The following HYDIN variants were observed in gnomAD, a reference collection of about 807,000 sequenced individuals.
The protein encoded by HYDIN is axonemal central pair apparatus protein HYDIN.
HYDIN carries 132 observed loss-of-function variants against 403.9 expected under a neutral mutation model. That is an observed-to-expected ratio of 0.33 (90% confidence interval 0.28 to 0.38). The LOEUF is 0.38. HYDIN is among the 10% of genes least tolerant of loss of function. HYDIN has a pLI of 1.00. For missense variants in HYDIN, 2,827 were observed against 5,009.5 expected (o/e 0.56, Z 13.15); for synonymous variants, 1,202 against 1,891.7 (o/e 0.64, Z 9.46).
chr16:71,225,961 T>A (rs2041015202), intron 1 of HYDIN, among the ~76,000 whole-genome samples: 2 of 152,188 alleles, frequency 1.3e-5, no homozygotes, highest in Non-Finnish European at 2.9e-5. Flanking sequence ...ATTGGAAGAT[T>A]CAGTATTGCT....
chr16:70,899,654 C>T (rs932270153), intron 53 of HYDIN, among the ~76,000 whole-genome samples: 5 of 152,318 alleles, frequency 3.3e-5, no homozygotes, highest in African/African-American at 9.6e-5. Flanking sequence ...TGAGATCCTG[C>T]CCTGATGCAG....
intron 36 of HYDIN, among the ~76,000 whole-genome samples, chr16:70,969,671 T>C (rs543062875): frequency 6.6e-6 from 1 of 152,306 alleles, no homozygotes; most frequent in African/African-American, 2.4e-5. Context: ...AGAAGAAATC[T>C]TGGCGTATCA....
chr16:70,842,486 G>A (rs966761798), intron 75 of HYDIN, among the ~76,000 whole-genome samples: 5 of 151,820 alleles, frequency 3.3e-5, no homozygotes, highest in African/African-American at 7.3e-5. Flanking sequence ...TTTATCTATC[G>A]CTAGGAATAG....
Position 71,055,652 on chromosome 16 carries a change from T to C in HYDIN, c.2529+4852A>G, listed in dbSNP as rs371517253. Among the ~76,000 whole-genome samples, 1,074 of 152,092 alleles carry C rather than the reference T, an allele frequency of 7.1e-3. 6 individuals carry two copies. Among genetic ancestry groups the C allele is most frequent in the African/African-American group, 0.025 (1,028 of 41,480 alleles). ...AAAAATAAATGTTTTAAAAGAACGA[T>C]GCTTGGATGAGGCATCTGAATTCCT... On this transcript the variant is annotated intron_variant, in intron 18 of 85. Transcript: ENST00000393567.
intron 18 of HYDIN, among the ~76,000 whole-genome samples, chr16:71,047,537 C>T: frequency 6.6e-6 from 1 of 151,886 alleles, no homozygotes; most frequent in Non-Finnish European, 1.5e-5. Context: ...CACTGTTATC[C>T]TCTTTGGCAC....
chr16:70,826,229 G>T (rs1470114287), intron 83 of HYDIN, among the ~76,000 whole-genome samples: 1 of 123,992 alleles, frequency 8.1e-6, no homozygotes, highest in East Asian at 2.3e-4. Context: ...CCTTGCTGAT[G>T]CTTGTTATTA....
At chr16:71,227,708 T>C (rs2041100437) in intron 1 of HYDIN, among the ~76,000 whole-genome samples, 1 of 152,188 alleles carries the variant, frequency 6.6e-6, no homozygotes, top group Admixed American at 6.5e-5. Context: ...ATAGGAATAA[T>C]CAATATCGTG....
Position 70,920,842 on chromosome 16 carries a change from C to T in HYDIN, c.7534G>A (p.Glu2512Lys), listed in dbSNP as rs1485839474. The change falls in exon 46 of 86, where the codon GAG (glutamate) becomes AAG (lysine). Residue 2512 changes from glutamate to lysine, a missense_variant. Physicochemically the swap from Glu to Lys is moderately conservative, Grantham distance 56. Transcript: ENST00000393567. ...CGCTCCTTCTCCAGGCGCTCTCTCT[C>T]CCGGTCCTTGCGGCCCCTGCGCCCA... ...LGGRRGRKDR[E>K]RERLEKERTE... 1 of 1,584,702 alleles carries T rather than the reference C, an allele frequency of 6.3e-7. No homozygotes were observed. The highest frequency in any genetic ancestry group is 8.6e-7 in the Non-Finnish European group (1 of 1,164,506).
intron 41 of HYDIN, among the ~76,000 whole-genome samples, chr16:70,946,072 GA>G (rs1361564975): frequency 4.3e-4 from 64 of 149,330 alleles, no homozygotes; most frequent in African/African-American, 1.4e-3. Flanking sequence ...AGAGTAGGGG[GA>G]AAGTGGGAGA....
intron 9 of HYDIN, 76 bp downstream of exon 9, chr16:71,129,564 G>A: frequency 7.2e-7 from 1 of 1,397,562 alleles, no homozygotes; most frequent in Non-Finnish European, 9.7e-7. Context: ...CAATCCCCAA[G>A]TGAGCGCTCT....
intron 38 of HYDIN, among the ~76,000 whole-genome samples, chr16:70,961,116 T>G (rs1008412952): frequency 6.6e-6 from 1 of 151,976 alleles, no homozygotes; most frequent in African/African-American, 2.4e-5. Context: ...CATTGTGGTA[T>G]GCTTTCTTCT....
intron 57 of HYDIN, 123 bp from the exon 58 acceptor site, chr16:70,889,827 C>G: frequency 5.5e-6 from 4 of 723,864 alleles, no homozygotes; most frequent in Non-Finnish European, 7.1e-6. Context: ...CTTCTTTGCC[C>G]AAGAGGACAC....
rs778556072 is a variant in HYDIN, at chr16:70,920,757, C to T, written c.7619G>A (p.Arg2540Gln). 33 of 1,566,050 alleles carry T rather than the reference C, an allele frequency of 2.1e-5. No individual in the cohort carries two copies. The highest frequency in any genetic ancestry group is 2.7e-5 in the Non-Finnish European group (31 of 1,154,564). The change falls in exon 46 of 86, where the codon CGA becomes CAA. Residue 2540 changes from arginine to glutamine, a missense_variant. Transcript: ENST00000393567. ...KAERERLEKL[R>Q]ALEERSDWEG... ...CCAGTCGCTCCGCTCCTCCAGGGCT[C>T]GCAGCTTCTCCAGGCGCTCCCGCTC... is the stretch of plus-strand genomic sequence containing the variant.
chr16:71,175,144 A>G (rs2086618100), intron 5 of HYDIN, among the ~76,000 whole-genome samples: 1 of 147,984 alleles, frequency 6.8e-6, no homozygotes, highest in African/African-American at 2.5e-5. Context: ...TACCACCACC[A>G]TCAGTGACAA....
chr16:70,825,241 T>C (rs1352218207), intron 83 of HYDIN, among the ~76,000 whole-genome samples: 2 of 152,220 alleles, frequency 1.3e-5, no homozygotes, highest in African/African-American at 4.8e-5. Context: ...TTAGCTCCTT[T>C]TATTTCCTCT....
chr16:71,055,227 C>T (rs550562746), intron 18 of HYDIN, among the ~76,000 whole-genome samples: 1 of 152,392 alleles, frequency 6.6e-6, no homozygotes, highest in East Asian at 1.9e-4. Flanking sequence ...ACCACTGGGG[C>T]CAGAACCAGG....
Position 70,946,794 on chromosome 16 carries a change from G to A in HYDIN, c.6532-2845C>T, listed in dbSNP as rs190833000. ...ACAATGTCTAGGATGTGGTCAGGGAGGTAAGTAGCTGAGGAGGCCATGAAA... is the reference window on the plus strand; with the variant it reads ...ACAATGTCTAGGATGTGGTCAGGGAAGTAAGTAGCTGAGGAGGCCATGAAA... On this transcript the variant is annotated intron_variant, in intron 41 of 85. Coordinates refer to ENST00000393567, the MANE Select transcript of HYDIN (RefSeq NM_001270974.2). 2.7e-3 allele frequency among the ~76,000 whole-genome samples: 407 copies of A among 152,260 alleles called. 1 individual carries two copies. Among genetic ancestry groups the A allele is most frequent in the African/African-American group, 9.4e-3 (389 of 41,532 alleles).
chr16:70,966,525 G>A (rs704647), intron 36 of HYDIN, among the ~76,000 whole-genome samples: 500 of 140,686 alleles, frequency 3.6e-3, no homozygotes, highest in African/African-American at 0.013. Context: ...CCCACAGAAA[G>A]CACGAGATGA....
chr16:70,811,878 C>T (rs1297899273), intron 84 of HYDIN, among the ~76,000 whole-genome samples: 1 of 129,000 alleles, frequency 7.8e-6, no homozygotes, highest in Non-Finnish European at 1.6e-5. Context: ...AAAAATCAGA[C>T]CCAAGAACAT....
Sources: allele counts gnomAD v4.1 joint callset (sites outside exome capture counted in the v4.1 genomes callset), GRCh38; gene constraint gnomAD v4.1.1; transcripts MANE v1.5; gene names NCBI Gene and HGNC (gene_info 2026-07-23, HGNC 2026-07-21).